Variants in BCL2A1 observed in about 807,000 individuals in gnomAD.
BCL2A1 encodes the protein bcl-2-related protein A1.
In BCL2A1, 10 loss-of-function variants were observed where a neutral mutation model predicts 14.4. The observed-to-expected ratio is 0.69, with a 90% CI of 0.43 to 1.18. The LOEUF (loss-of-function observed/expected upper bound fraction) is 1.18, where lower values mean the gene tolerates loss of function less well. Among genes scored for constraint, BCL2A1 ranks in the 50% most tolerant of loss-of-function variants. The pLI, the probability that BCL2A1 is intolerant of heterozygous loss-of-function variation, is 0.00. For synonymous variants in BCL2A1, 71 were observed against 76.5 expected (o/e 0.93, Z 0.38); for missense variants, 158 against 205.0 (o/e 0.77, Z 1.40).
At position 79,968,425 on chromosome 15, in the gene BCL2A1, C is replaced by T. The variant is rs372106463; in HGVS notation, c.420+2275G>A. ...TTCACATGATTCGCCCAGCCTCAGT[C>T]AGGCTCAGTTAGAAAGAACTAAGTT... On this transcript the variant is annotated intron_variant, in intron 1 of 1. Transcript: ENST00000267953. Among the ~76,000 whole-genome samples the T allele has an allele frequency of 4.9e-4, 75 of 152,314 alleles. No individual in the cohort carries two copies. In the Middle Eastern group the frequency reaches 0.01, roughly 21 times the overall value.
At chr15:79,966,089 A>G (rs2035538740) in intron 1 of BCL2A1, among the ~76,000 whole-genome samples, 1 of 152,172 alleles carries the variant, frequency 6.6e-6, no homozygotes, top group African/African-American at 2.4e-5. Context: ...TTACCTATCT[A>G]AACTTCCTGG....
chr15:79,966,891 A>G (rs1185643569), intron 1 of BCL2A1, among the ~76,000 whole-genome samples: 2 of 150,990 alleles, frequency 1.3e-5, no homozygotes, highest in African/African-American at 4.8e-5. Flanking sequence ...GAAAGAGATT[A>G]TGAGTCCTAT....
chr15:79,965,668 T>C (rs1284907802), intron 1 of BCL2A1, among the ~76,000 whole-genome samples: 2 of 152,190 alleles, frequency 1.3e-5, no homozygotes, highest in African/African-American at 4.8e-5. Flanking sequence ...GAACTAGCAC[T>C]TAAGTGTCAT....
At chr15:79,963,199 A>T (rs965701873) in intron 1 of BCL2A1, among the ~76,000 whole-genome samples, 6 of 152,048 alleles carry the variant, frequency 3.9e-5, no homozygotes, top group Non-Finnish European at 7.4e-5. Context: ...CATGTTGGCC[A>T]GGATAGTCTC....
At chr15:79,967,519 A>C in intron 1 of BCL2A1, 1 of 1,143,800 alleles carries the variant, frequency 8.7e-7, no homozygotes, top group Non-Finnish European at 1.2e-6. Context: ...CCCGGCACAT[A>C]CCGCATTGTT....
Position 79,961,038 on chromosome 15 carries a change from G to C in BCL2A1, c.*29C>G, listed in dbSNP as rs774583270. 3.7e-6 allele frequency: 6 copies of C among 1,611,170 alleles called. No homozygotes were observed. The highest frequency in any genetic ancestry group is 5.1e-6 in the Non-Finnish European group (6 of 1,177,984). On this transcript the variant is annotated 3_prime_UTR_variant, in exon 2 of 2. Transcript: ENST00000267953. ...CCATATCAGTCAGAAAAATTAGGCC[G>C]GTTTCACAATATGGAGTGTCCTTTC...
At chr15:79,967,676 T>C in intron 1 of BCL2A1, 1 of 1,569,808 alleles carries the variant, frequency 6.4e-7, no homozygotes, top group Non-Finnish European at 8.8e-7. Flanking sequence ...CATAGGTGTG[T>C]GATTGTGCCA....
intron 1 of BCL2A1, chr15:79,967,687 T>A (rs760580628): frequency 1.3e-6 from 2 of 1,535,220 alleles, no homozygotes; most frequent in Non-Finnish European, 9.0e-7. Flanking sequence ...GATTGTGCCA[T>A]TTCCCCTGAA....
At chr15:79,967,672 T>C (rs8026803) in intron 1 of BCL2A1, 394,564 of 1,517,704 alleles carry the variant, frequency 0.26, 59,437 homozygotes, top group East Asian at 0.52. Context: ...CCAGCATAGG[T>C]GTGTGATTGT....
At chr15:79,964,268 C>T (rs1200001362) in intron 1 of BCL2A1, among the ~76,000 whole-genome samples, 1 of 152,014 alleles carries the variant, frequency 6.6e-6, no homozygotes, top group East Asian at 1.9e-4. Flanking sequence ...AAATAATATA[C>T]AGTATCAATA....
chr15:79,970,612 G>C, intron 1 of BCL2A1, 88 bp downstream of exon 1: 1 of 1,290,772 alleles, frequency 7.7e-7, no homozygotes, highest in Non-Finnish European at 1.1e-6. Flanking sequence ...CTTAGGTAAA[G>C]TGTTTTGTTG....
At chr15:79,963,050 C>T (rs1445738085) in intron 1 of BCL2A1, among the ~76,000 whole-genome samples, 1 of 152,148 alleles carries the variant, frequency 6.6e-6, no homozygotes, top group African/African-American at 2.4e-5. Flanking sequence ...GGCGCGATCT[C>T]AGCTGGCCGC....
intron 1 of BCL2A1, among the ~76,000 whole-genome samples, chr15:79,965,046 G>A (rs1243079044): frequency 6.6e-6 from 1 of 152,212 alleles, no homozygotes; most frequent in Non-Finnish European, 1.5e-5. Context: ...CCACAGTCAG[G>A]ATTTTGTGCT....
chr15:79,962,414 T>C (rs2035497971), intron 1 of BCL2A1, among the ~76,000 whole-genome samples: 1 of 152,178 alleles, frequency 6.6e-6, no homozygotes, highest in Admixed American at 6.5e-5. Flanking sequence ...GCCCTCTCTC[T>C]TCTTCCTCTT....
intron 1 of BCL2A1, chr15:79,967,672 T>A (rs8026803): frequency 6.4e-7 from 1 of 1,558,550 alleles, no homozygotes; most frequent in Non-Finnish European, 8.8e-7. Context: ...CCAGCATAGG[T>A]GTGTGATTGT....
intron 1 of BCL2A1, among the ~76,000 whole-genome samples, chr15:79,965,545 C>T (rs963114574): frequency 2.0e-5 from 3 of 152,028 alleles, no homozygotes; most frequent in Admixed American, 6.6e-5. Context: ...GAGAGGAAGG[C>T]GGCCTAGATG....
intron 1 of BCL2A1, among the ~76,000 whole-genome samples, chr15:79,962,232 T>C (rs1300299287): frequency 2.6e-5 from 4 of 152,162 alleles, no homozygotes; most frequent in African/African-American, 7.2e-5. Context: ...ACTCGAGAGC[T>C]CTGCGGTGCC....
chr15:79,968,074 C>G (rs1354601253), intron 1 of BCL2A1, among the ~76,000 whole-genome samples: 1 of 152,168 alleles, frequency 6.6e-6, no homozygotes, highest in Non-Finnish European at 1.5e-5. Flanking sequence ...GATGAGGGTA[C>G]TACTAGAAAT....
chr15:79,964,106 A>C (rs1193870551), intron 1 of BCL2A1, among the ~76,000 whole-genome samples: 3 of 152,318 alleles, frequency 2.0e-5, no homozygotes, highest in East Asian at 1.9e-4. Context: ...TGTATCTTAA[A>C]ACCATTATAT....
Sources: gnomAD v4.1 joint callset for allele counts (sites outside exome capture counted in the v4.1 genomes callset) on GRCh38, gnomAD v4.1.1 for gene constraint, MANE v1.5 for transcripts, NCBI Gene and HGNC (gene_info 2026-07-23, HGNC 2026-07-21) for gene names.